Variants in TRIM33 observed in about 807,000 individuals in gnomAD.
The protein encoded by TRIM33 is E3 ubiquitin-protein ligase TRIM33.
In TRIM33, 20 loss-of-function variants were observed where a neutral mutation model predicts 125.4. That is an observed-to-expected ratio of 0.16 (90% confidence interval 0.11 to 0.23). The LOEUF is 0.23. Ranked by LOEUF, TRIM33 falls within the 10% of genes least tolerant of loss-of-function variation. The probability of loss-of-function intolerance (pLI) is 1.00; values close to 1 mark genes in which losing one functional copy is unlikely to be tolerated. For synonymous variants in TRIM33, 564 were observed against 513.9 expected, an observed-to-expected ratio of 1.10 and a Z score of -1.32; for missense variants, 920 against 1,411.4, an observed-to-expected ratio of 0.65 and a Z score of 5.58.
chr1:114,397,910 C>T (rs1651641868), intron 19 of TRIM33, 30 bp downstream of exon 19: 1 of 1,613,742 alleles, frequency 6.2e-7, no homozygotes, highest in Non-Finnish European at 8.5e-7. Context: ...CATATTCCTT[C>T]ACCAAGTTTG....
chr1:114,486,321 G>C (rs748860897), intron 1 of TRIM33, among the ~76,000 whole-genome samples: 1 of 150,810 alleles, frequency 6.6e-6, no homozygotes, highest in Non-Finnish European at 1.5e-5. Flanking sequence ...AAATAGAAAA[G>C]AAATGAAAGT....
intron 18 of TRIM33, among the ~76,000 whole-genome samples, chr1:114,399,132 T>C (rs553602293): frequency 6.6e-6 from 1 of 152,148 alleles, no homozygotes; most frequent in South Asian, 2.1e-4. Context: ...ACTTTCCTAA[T>C]AGTACCCAAA....
rs545652540 is a variant in TRIM33, at chr1:114,486,314, T to C, written c.527-21926A>G. On this transcript the variant is annotated intron_variant, in intron 1 of 19. Transcript: ENST00000358465. ...GAATGTCCTTAAAACAAATGGAAAA[T>C]AGAAAAGAAATGAAAGTTATAGAAA... Among the ~76,000 whole-genome samples the C allele has an allele frequency of 1.7e-3, 248 of 144,708 alleles. 1 individual carries two copies. Among genetic ancestry groups the C allele is most frequent in the Non-Finnish European group, 3.0e-3 (195 of 65,682 alleles). The allele number at this position is 144,708 out of a possible 152,430, so 94.9% of individuals were successfully genotyped here.
At chr1:114,405,116 T>G (rs1016939129) in intron 15 of TRIM33, 1 of 238,782 alleles carries the variant, frequency 4.2e-6, no homozygotes, top group African/African-American at 2.3e-5. Context: ...AGAACCAGAC[T>G]GCAGGTTTTG....
intron 1 of TRIM33, among the ~76,000 whole-genome samples, chr1:114,485,244 A>G (rs1333747625): frequency 6.6e-6 from 1 of 152,062 alleles, no homozygotes; most frequent in Non-Finnish European, 1.5e-5. Flanking sequence ...CACTGCTGGG[A>G]TCTTAAATAA....
chr1:114,420,195 C>T (rs1572032184), intron 11 of TRIM33, among the ~76,000 whole-genome samples: 1 of 152,198 alleles, frequency 6.6e-6, no homozygotes, highest in Non-Finnish European at 1.5e-5. Flanking sequence ...TACTTTTCTT[C>T]GGTTGAAAGG....
chr1:114,433,803 C>G, intron 4 of TRIM33, 70 bp from the exon 5 acceptor site: 1 of 932,824 alleles, frequency 1.1e-6, no homozygotes, highest in Non-Finnish European at 1.7e-6. Context: ...TAAAGAACAG[C>G]TAAATGAGTC....
chr1:114,477,443 T>C (rs1487105686), intron 1 of TRIM33, among the ~76,000 whole-genome samples: 1 of 152,172 alleles, frequency 6.6e-6, no homozygotes, highest in Non-Finnish European at 1.5e-5. Flanking sequence ...TGGAACAGAT[T>C]CTGGAGCCAG....
chr1:114,452,265 T>G (rs1649356536), intron 4 of TRIM33, among the ~76,000 whole-genome samples: 2 of 151,946 alleles, frequency 1.3e-5, no homozygotes, highest in Admixed American at 6.6e-5. Context: ...ATTGAGACCA[T>G]CCTGGCCAAC....
chr1:114,429,454 G>A (rs1337034183), intron 6 of TRIM33, among the ~76,000 whole-genome samples: 2 of 151,816 alleles, frequency 1.3e-5, no homozygotes, highest in Non-Finnish European at 2.9e-5. Context: ...GCCTCCCAAA[G>A]TGCTGGGATT....
intron 6 of TRIM33, among the ~76,000 whole-genome samples, chr1:114,429,911 T>C (rs1234754675): frequency 6.6e-6 from 1 of 152,118 alleles, no homozygotes; most frequent in Non-Finnish European, 1.5e-5. Context: ...AGTGGAGACT[T>C]TGATTAAAAA....
At chr1:114,426,565 GT>G (rs1647600440) in intron 8 of TRIM33, among the ~76,000 whole-genome samples, 1 of 143,236 alleles carries the variant, frequency 7.0e-6, no homozygotes, top group Non-Finnish European at 1.5e-5. Context: ...AATTCCCACT[GT>G]TTAGGACTTA....
intron 1 of TRIM33, among the ~76,000 whole-genome samples, chr1:114,482,732 T>C (rs1293670722): frequency 3.3e-5 from 5 of 152,128 alleles, no homozygotes; most frequent in Non-Finnish European, 5.9e-5. Context: ...GTAACTGAGT[T>C]CTCATGAGAT....
At chr1:114,491,248 T>C (rs1652044241) in intron 1 of TRIM33, among the ~76,000 whole-genome samples, 1 of 152,224 alleles carries the variant, frequency 6.6e-6, no homozygotes, top group South Asian at 2.1e-4. Flanking sequence ...ACTATGTACT[T>C]TTCAGAGAAA....
At chr1:114,480,201 A>G (rs1450171739) in intron 1 of TRIM33, among the ~76,000 whole-genome samples, 2 of 152,082 alleles carry the variant, frequency 1.3e-5, no homozygotes, top group Non-Finnish European at 2.9e-5. Flanking sequence ...GCTCTCTGAA[A>G]CATGTGCTGT....
chr1:114,505,724 C>T (rs148115678), intron 1 of TRIM33, among the ~76,000 whole-genome samples: 4 of 152,042 alleles, frequency 2.6e-5, no homozygotes, highest in African/African-American at 7.3e-5. Flanking sequence ...CCTGCCACCA[C>T]GCCTGGCAAA....
Position 114,405,540 on chromosome 1 carries a change from T to C in TRIM33, c.2638A>G (p.Asn880Asp), listed in dbSNP as rs1238339488. 3.1e-6 allele frequency: 5 copies of C among 1,614,104 alleles called. No individual in the cohort carries two copies. In the Admixed American group the frequency reaches 8.3e-5, roughly 27 times the overall value. ...RSARIGGDGNNKDDDPNEDWC... is the reference protein window; with the variant it reads ...RSARIGGDGNDKDDDPNEDWC... ...TCTTCATTTGGGTCATCATCTTTAT[T>C]GTTGCCATCTCCTCCAATCCTTGCC... Residue 880 changes from asparagine (N) to aspartate (D), a missense_variant, in exon 15 of 20, where the codon AAT becomes GAT. This residue lies in a region of TRIM33 where 407 missense variants were observed against 589.7 expected (regional missense o/e 0.69). Coordinates refer to ENST00000358465, the MANE Select transcript of TRIM33 (RefSeq NM_015906.4).
chr1:114,464,402 TAAC>T lies in TRIM33; in HGVS notation c.527-17_527-15del, dbSNP rs1160143702. The T allele has an allele frequency of 2.2e-6, 3 of 1,394,404 alleles. No homozygotes were observed. Among genetic ancestry groups the T allele is most frequent in the East Asian group, 2.3e-5 (1 of 42,604 alleles). 86.4% of individuals were successfully genotyped at this position (1,394,404 alleles called of 1,614,324 possible). A position where few individuals can be genotyped will look rare whatever the true frequency, so the allele number is the denominator to read the frequency against. On this transcript the variant is annotated splice_polypyrimidine_tract_variant and intron_variant, in intron 1 of 19. Coordinates refer to ENST00000358465, the MANE Select transcript of TRIM33 (RefSeq NM_015906.4). ...GTATTACACCAACTACAACATAAAATAACAACATTTTAAAATATTCTTCAGGAA... is the reference window on the plus strand; with the variant it reads ...GTATTACACCAACTACAACATAAAATAACATTTTAAAATATTCTTCAGGAA...
intron 4 of TRIM33, among the ~76,000 whole-genome samples, chr1:114,450,896 A>G (rs1013214772): frequency 2.0e-5 from 3 of 152,206 alleles, no homozygotes; most frequent in African/African-American, 7.2e-5. Flanking sequence ...TAGTTATCTA[A>G]TAATTTCCCA....
Sources: allele counts gnomAD v4.1 joint callset (sites outside exome capture counted in the v4.1 genomes callset), GRCh38; gene constraint gnomAD v4.1.1; regional missense constraint gnomAD v4.1.1; transcripts MANE v1.5; gene names NCBI Gene and HGNC (gene_info 2026-07-23, HGNC 2026-07-21).